The following FRMD4B variants were observed in gnomAD, a reference collection of about 807,000 sequenced individuals.
FRMD4B encodes the protein FERM domain-containing protein 4B.
Under a neutral mutation model 141.5 loss-of-function variants are expected in FRMD4B, and 74 were observed. The ratio of observed to expected loss-of-function variants is 0.52; its 90% CI spans 0.43 to 0.63. The LOEUF is 0.63. Ranked by LOEUF, FRMD4B falls within the 30% of genes least tolerant of loss-of-function variation. The pLI is 0.00. For synonymous variants in FRMD4B, 506 were observed against 467.9 expected, an observed-to-expected ratio of 1.08 and a Z score of -1.05; for missense variants, 1,366 against 1,253.4, an observed-to-expected ratio of 1.09 and a Z score of -1.36.
At chr3:69,480,581 G>A (rs554353311) in intron 1 of FRMD4B, among the ~76,000 whole-genome samples, 17 of 152,224 alleles carry the variant, frequency 1.1e-4, no homozygotes, top group African/African-American at 2.6e-4. Context: ...TTGTCTCAGA[G>A]GAATACCCGG....
At chr3:69,505,825 C>A (rs1706586066) in intron 1 of FRMD4B, among the ~76,000 whole-genome samples, 1 of 152,176 alleles carries the variant, frequency 6.6e-6, no homozygotes, top group African/African-American at 2.4e-5. Flanking sequence ...GAAATCTACT[C>A]ACACATTTTC....
chr3:69,286,395 A>G (rs1320722128), intron 5 of FRMD4B, among the ~76,000 whole-genome samples: 1 of 152,228 alleles, frequency 6.6e-6, no homozygotes, highest in African/African-American at 2.4e-5. Flanking sequence ...ATGGAAGTAT[A>G]CTACTGTAAG....
At position 69,182,604 on chromosome 3, in the gene FRMD4B, T is replaced by A; in HGVS notation, c.2033A>T (p.His678Leu). The A allele has an allele frequency of 2.5e-6, 4 of 1,608,318 alleles. No individual in the cohort carries two copies. The South Asian group carries it at 4.4e-5, about 18-fold the overall frequency. ...VLTRNAYSSS[H>L]LEPESSSQHC... ...GAGAAAGAAGCTCTCTTACTCCAAG[T>A]GGCTGCTGCTGTAGGCGTTTCGGGT... is the stretch of plus-strand genomic sequence containing the variant. The change falls in exon 20 of 23, where the codon CAC (histidine) becomes CTC (leucine). Residue 678 changes from histidine to leucine, a missense_variant. His to Leu is a moderately conservative substitution (Grantham distance 99). Transcript: ENST00000398540.
intron 2 of FRMD4B, among the ~76,000 whole-genome samples, chr3:69,410,479 T>C (rs529635963): frequency 6.6e-6 from 1 of 151,860 alleles, no homozygotes; most frequent in Admixed American, 6.6e-5. Context: ...TGTATGTGAG[T>C]GTATGAACGT....
At chr3:69,267,351 C>T (rs532208000) in intron 5 of FRMD4B, among the ~76,000 whole-genome samples, 1 of 152,016 alleles carries the variant, frequency 6.6e-6, no homozygotes, top group South Asian at 2.1e-4. Context: ...AATGTGTGAC[C>T]CTGAATTGGC....
At chr3:69,408,779 C>T (rs372390410) in intron 2 of FRMD4B, among the ~76,000 whole-genome samples, 5 of 151,792 alleles carry the variant, frequency 3.3e-5, no homozygotes, top group African/African-American at 1.2e-4. Context: ...GCAGGGATGG[C>T]GCCAGTGGGA....
chr3:69,188,116 A>G (rs1331268566), intron 18 of FRMD4B, among the ~76,000 whole-genome samples, 199 bp from the exon 19 acceptor site: 1 of 152,180 alleles, frequency 6.6e-6, no homozygotes, highest in East Asian at 1.9e-4. Context: ...GAAAATACTG[A>G]ACACTCTTCT....
intron 2 of FRMD4B, among the ~76,000 whole-genome samples, chr3:69,396,369 G>C (rs1704474077): frequency 6.6e-6 from 1 of 152,134 alleles, no homozygotes. Flanking sequence ...GCCAGGCATA[G>C]TGGCACACAC....
chr3:69,507,319 C>T (rs1023342662), intron 1 of FRMD4B, among the ~76,000 whole-genome samples: 2 of 152,104 alleles, frequency 1.3e-5, no homozygotes, highest in Non-Finnish European at 2.9e-5. Context: ...CTATTGATTT[C>T]AAGTTCTAAG....
intron 3 of FRMD4B, chr3:69,310,574 A>ACG (rs1343397117): frequency 3.9e-5 from 10 of 257,396 alleles, no homozygotes; most frequent in Non-Finnish European, 6.3e-5. Flanking sequence ...ACACACACAC[A>ACG]CACACACAGA....
At chr3:69,210,120 T>C (rs1256134350) in intron 11 of FRMD4B, among the ~76,000 whole-genome samples, 1 of 152,232 alleles carries the variant, frequency 6.6e-6, no homozygotes, top group African/African-American at 2.4e-5. Context: ...CACCTTCACA[T>C]GCCCTGTGGT....
chr3:69,208,520 C>T (rs796410536), intron 11 of FRMD4B, among the ~76,000 whole-genome samples: 1 of 152,200 alleles, frequency 6.6e-6, no homozygotes, highest in South Asian at 2.1e-4. Flanking sequence ...TTCTAACATG[C>T]CTATCTCCTT....
chr3:69,493,923 G>A (rs1184012502), intron 1 of FRMD4B, among the ~76,000 whole-genome samples: 1 of 152,182 alleles, frequency 6.6e-6, no homozygotes, highest in Non-Finnish European at 1.5e-5. Context: ...AAGTACTGGG[G>A]TGCAGTAGTG....
chr3:69,181,395 C>T lies in FRMD4B; in HGVS notation c.2355G>A (p.Lys785=), dbSNP rs1186602287. 5.6e-6 allele frequency: 9 copies of T among 1,613,850 alleles called. No individual in the cohort carries two copies. The highest frequency in any genetic ancestry group is 7.6e-6 in the Non-Finnish European group (9 of 1,179,792). ...AGTAAACACCATTCCTCAAACTATCCTTTTGTGCTAGGTTGGGCATGCTTC... is the reference window on the plus strand; with the variant it reads ...AGTAAACACCATTCCTCAAACTATCTTTTTGTGCTAGGTTGGGCATGCTTC... ...NSGSMPNLAQ[K]DSLRNGVYSK... Residue 785 remains lysine, a synonymous_variant, in exon 21 of 23, where the codon AAG becomes AAA. Transcript: ENST00000398540.
At chr3:69,219,296 T>A (rs1320710840) in intron 9 of FRMD4B, among the ~76,000 whole-genome samples, 1 of 152,200 alleles carries the variant, frequency 6.6e-6, no homozygotes, top group African/African-American at 2.4e-5. Flanking sequence ...GCTTCCTCTC[T>A]GCCCGCAAGG....
intron 22 of FRMD4B, among the ~76,000 whole-genome samples, chr3:69,172,721 G>A (rs1266244351): frequency 6.6e-6 from 1 of 152,028 alleles, no homozygotes; most frequent in Non-Finnish European, 1.5e-5. Flanking sequence ...AAAATCATAC[G>A]CATATTTAGA....
intron 1 of FRMD4B, among the ~76,000 whole-genome samples, chr3:69,338,140 A>C (rs1472560150): frequency 6.6e-6 from 1 of 152,244 alleles, no homozygotes; most frequent in Non-Finnish European, 1.5e-5. Flanking sequence ...CAAAAGGATG[A>C]GTTCAGGTCC....
intron 1 of FRMD4B, among the ~76,000 whole-genome samples, chr3:69,360,626 AG>A (rs1559828938): frequency 6.6e-6 from 1 of 152,130 alleles, no homozygotes; most frequent in African/African-American, 2.4e-5. Flanking sequence ...TGAAGAAACT[AG>A]GCTGTTTATC....
chr3:69,294,790 A>G (rs1208953293), intron 4 of FRMD4B, among the ~76,000 whole-genome samples: 1 of 152,232 alleles, frequency 6.6e-6, no homozygotes, highest in Admixed American at 6.5e-5. Flanking sequence ...GCTTTAAAAC[A>G]GCCTGCTCTA....
Sources: gnomAD v4.1 joint callset for allele counts (sites outside exome capture counted in the v4.1 genomes callset) on GRCh38, gnomAD v4.1.1 for gene constraint, MANE v1.5 for transcripts, NCBI Gene and HGNC (gene_info 2026-07-23, HGNC 2026-07-21) for gene names.